Variants in CSMD3 observed in about 807,000 individuals in gnomAD.
CSMD3 encodes the protein CUB and Sushi multiple domains 3, also known as CUB and sushi domain-containing protein 3.
Under a neutral mutation model 435.2 loss-of-function variants are expected in CSMD3, and 177 were observed. The ratio of observed to expected loss-of-function variants is 0.41; its 90% confidence interval spans 0.36 to 0.46. The LOEUF (loss-of-function observed/expected upper bound fraction) is 0.46. Ranked by LOEUF, CSMD3 falls within the 20% of genes least tolerant of loss-of-function variation. CSMD3 has a pLI of 0.34. For synonymous variants in CSMD3, 1,656 were observed against 1,520.5 expected (o/e 1.09, Z -2.07); for missense variants, 4,265 against 4,504.6 (o/e 0.95, Z 1.52).
chr8:112,501,873 A>G (rs1822001365), intron 30 of CSMD3, among the ~76,000 whole-genome samples: 2 of 152,206 alleles, frequency 1.3e-5, no homozygotes, highest in Admixed American at 6.5e-5. Context: ...TAATAAATTA[A>G]AGCTATATGT....
chr8:112,506,463 C>G (rs190821769), intron 29 of CSMD3, among the ~76,000 whole-genome samples: 1 of 152,040 alleles, frequency 6.6e-6, no homozygotes, highest in Non-Finnish European at 1.5e-5. Flanking sequence ...TTTTGTGATG[C>G]CAGCTGTTAG....
intron 22 of CSMD3, among the ~76,000 whole-genome samples, chr8:112,591,740 A>G (rs1831210427): frequency 6.6e-6 from 1 of 152,052 alleles, no homozygotes; most frequent in Non-Finnish European, 1.5e-5. Flanking sequence ...TTACCAGAAG[A>G]AAAATAATAA....
At chr8:113,163,891 A>T (rs2092097033) in intron 4 of CSMD3, among the ~76,000 whole-genome samples, 1 of 152,014 alleles carries the variant, frequency 6.6e-6, no homozygotes, top group Non-Finnish European at 1.5e-5. Flanking sequence ...GGTAATACAA[A>T]CCTGACCTGA....
intron 23 of CSMD3, among the ~76,000 whole-genome samples, chr8:112,579,413 T>A (rs758805839): frequency 6.6e-6 from 1 of 151,892 alleles, no homozygotes; most frequent in African/African-American, 2.4e-5. Context: ...GAATGTGGAG[T>A]TGGTTAGAGA....
At chr8:113,114,025 C>T (rs200131150) in intron 4 of CSMD3, among the ~76,000 whole-genome samples, 1 of 151,934 alleles carries the variant, frequency 6.6e-6, no homozygotes, top group Non-Finnish European at 1.5e-5. Flanking sequence ...ATAGTATGAA[C>T]AGTGGAAACC....
chr8:112,698,993 C>T (rs1182758348), intron 13 of CSMD3, among the ~76,000 whole-genome samples: 7 of 151,982 alleles, frequency 4.6e-5, no homozygotes, highest in South Asian at 2.1e-4. Flanking sequence ...TCTGTAAAAA[C>T]GGACCAATCA....
At chr8:112,438,387 T>C (rs1451240110) in intron 32 of CSMD3, among the ~76,000 whole-genome samples, 1 of 152,154 alleles carries the variant, frequency 6.6e-6, no homozygotes, top group African/African-American at 2.4e-5. Context: ...TAAGGTGGTA[T>C]TTTGAGTTCA....
At chr8:113,013,615 G>A (rs2086340336) in intron 6 of CSMD3, among the ~76,000 whole-genome samples, 1 of 152,018 alleles carries the variant, frequency 6.6e-6, no homozygotes, top group Non-Finnish European at 1.5e-5. Context: ...ATCTACAAAA[G>A]CAGAAACCTA....
At chr8:112,452,179 C>G (rs1371722600) in intron 32 of CSMD3, among the ~76,000 whole-genome samples, 1 of 152,108 alleles carries the variant, frequency 6.6e-6, no homozygotes, top group Non-Finnish European at 1.5e-5. Flanking sequence ...CAAAATTGAC[C>G]TTGAATATAA....
chr8:113,249,771 T>G (rs1254916543), intron 3 of CSMD3, among the ~76,000 whole-genome samples: 1 of 151,992 alleles, frequency 6.6e-6, no homozygotes, highest in African/African-American at 2.4e-5. Context: ...GTGGCTACTC[T>G]TGCCATAAGT....
chr8:112,738,648 G>T (rs1206718558), intron 13 of CSMD3, among the ~76,000 whole-genome samples: 1 of 151,630 alleles, frequency 6.6e-6, no homozygotes, highest in Non-Finnish European at 1.5e-5. Context: ...AGTCAAACAT[G>T]AGAGGAAAGA....
intron 22 of CSMD3, among the ~76,000 whole-genome samples, chr8:112,593,152 A>G (rs1175112470): frequency 6.6e-6 from 1 of 152,210 alleles, no homozygotes; most frequent in Non-Finnish European, 1.5e-5. Context: ...AGTGATTCAT[A>G]CGCCATTCTA....
At chr8:112,539,735 A>T (rs560574497) in intron 27 of CSMD3, among the ~76,000 whole-genome samples, 14 of 152,244 alleles carry the variant, frequency 9.2e-5, no homozygotes, top group African/African-American at 3.4e-4. Flanking sequence ...ATCTCTCACC[A>T]TACACAAAAC....
intron 4 of CSMD3, among the ~76,000 whole-genome samples, chr8:113,168,519 C>CAAAAAAAA (rs71281204): frequency 0.064 from 1,081 of 17,012 alleles, 340 homozygotes; most frequent in East Asian, 0.26. Flanking sequence ...GACTCTGTCT[C>CAAAAAAAA]AAAAAAAAAA....
intron 5 of CSMD3, among the ~76,000 whole-genome samples, chr8:113,051,210 T>C (rs1463910745): frequency 6.6e-6 from 1 of 152,150 alleles, no homozygotes; most frequent in East Asian, 1.9e-4. Flanking sequence ...TTGGTTACAT[T>C]AGCCTGGAAG....
chr8:112,556,965 A>G lies in CSMD3; in HGVS notation c.4043-11T>C, dbSNP rs757907777. 4 of 1,595,560 alleles carry G rather than the reference A, an allele frequency of 2.5e-6. No individual in the cohort carries two copies. The Admixed American group carries it at 6.7e-5, about 27-fold the overall frequency. On this transcript the variant is annotated splice_polypyrimidine_tract_variant and intron_variant, in intron 24 of 70. Coordinates refer to ENST00000297405, the MANE Select transcript of CSMD3 (RefSeq NM_198123.2). ...GTGAGAGTTCAAAACCTGGGACAAA[A>G]ATATAAATTGATTAAAGGCAAAATT...
chr8:112,514,409 G>C (rs1823463567), intron 28 of CSMD3, among the ~76,000 whole-genome samples: 1 of 151,960 alleles, frequency 6.6e-6, no homozygotes, highest in Admixed American at 6.6e-5. Flanking sequence ...TATAAGTCAG[G>C]GATTCATGAA....
At chr8:112,903,321 A>G (rs2082160116) in intron 10 of CSMD3, among the ~76,000 whole-genome samples, 1 of 151,272 alleles carries the variant, frequency 6.6e-6, no homozygotes, top group East Asian at 2.0e-4. Flanking sequence ...TATAGCAGCT[A>G]ACATGGGCTA....
At chr8:112,784,694 A>C (rs558353195) in intron 13 of CSMD3, among the ~76,000 whole-genome samples, 37 of 152,192 alleles carry the variant, frequency 2.4e-4, no homozygotes, top group Non-Finnish European at 4.4e-4. Context: ...AGACACATAC[A>C]ACCTACCAAC....
Sources: allele counts gnomAD v4.1 joint callset (sites outside exome capture counted in the v4.1 genomes callset), GRCh38; gene constraint gnomAD v4.1.1; transcripts MANE v1.5; gene names NCBI Gene and HGNC (gene_info 2026-07-23, HGNC 2026-07-21).